MYOF: variants seen among roughly 807,000 people sequenced by gnomAD.
The protein encoded by MYOF is myoferlin.
MYOF carries 244 observed loss-of-function variants against 284.2 expected under a neutral mutation model. The observed-to-expected ratio is 0.86, with a 90% confidence interval of 0.77 to 0.95. The LOEUF (loss-of-function observed/expected upper bound fraction) is 0.95. Among genes scored for constraint, MYOF ranks in the 40% least tolerant of loss-of-function variants. The pLI is 0.00. For missense variants in MYOF, 2,496 were observed against 2,560.6 expected, an observed-to-expected ratio of 0.97 and a Z score of 0.54; for synonymous variants, 904 against 919.7, an observed-to-expected ratio of 0.98 and a Z score of 0.31.
At chr10:93,370,407 G>A (rs973996857) in intron 24 of MYOF, among the ~76,000 whole-genome samples, 18 of 149,370 alleles carry the variant, frequency 1.2e-4, no homozygotes, top group African/African-American at 2.5e-4. Flanking sequence ...GACCTCCAGG[G>A]CTCAAGCGAT....
intron 26 of MYOF, among the ~76,000 whole-genome samples, chr10:93,365,412 T>C (rs973461433): frequency 1.1e-4 from 16 of 151,772 alleles, no homozygotes; most frequent in Non-Finnish European, 1.5e-4. Flanking sequence ...CTACTGTTTA[T>C]TTTTTTCTTT....
chr10:93,414,243 T>C lies in MYOF; in HGVS notation c.434-4504A>G, dbSNP rs773372936. On this transcript the variant is annotated intron_variant, in intron 5 of 53. Transcript: ENST00000359263. ...CCTTCTGTGTCCTCCCGTCTTCTCA[T>C]AAGAACAAGTGGGCCAGGTTTGGCG... 2.0e-5 allele frequency among the ~76,000 whole-genome samples: 3 copies of C among 151,818 alleles called. No homozygotes were observed. In the South Asian group the frequency reaches 6.2e-4, roughly 32 times the overall value.
intron 5 of MYOF, chr10:93,425,725 G>A (rs1442984923): frequency 2.2e-5 from 6 of 277,254 alleles, no homozygotes; most frequent in Non-Finnish European, 2.1e-5. Context: ...GAGCAGAGGG[G>A]CCACTCCTTG....
intron 1 of MYOF, among the ~76,000 whole-genome samples, chr10:93,480,872 G>A (rs1428659912): frequency 6.6e-6 from 1 of 152,116 alleles, no homozygotes; most frequent in Non-Finnish European, 1.5e-5. Context: ...AAACAGAAAG[G>A]CGAAAGGTAT....
intron 1 of MYOF, among the ~76,000 whole-genome samples, chr10:93,476,089 T>C (rs1166114374): frequency 4.6e-5 from 7 of 152,034 alleles, no homozygotes; most frequent in Non-Finnish European, 1.0e-4. Context: ...AATACCCGAG[T>C]AGTGTGATTA....
rs3980375 is a variant in MYOF at position 93,406,288 on chromosome 10, TTATATATATATA to T, written c.730-2081_730-2070del. ...TAGAAATTTTTTTAGTAAACCTCTTTTATATATATATATATATATATATATATATTTGTTTTT... is the reference window on the plus strand; with the variant it reads ...TAGAAATTTTTTTAGTAAACCTCTTTTATATATATATATATATTTGTTTTT... On this transcript the variant is annotated intron_variant, in intron 7 of 53. Coordinates refer to ENST00000359263, the MANE Select transcript of MYOF (RefSeq NM_013451.4). 2.6e-3 allele frequency among the ~76,000 whole-genome samples: 149 copies of T among 58,140 alleles called. 23 individuals carry two copies. The South Asian group carries it at 0.041, about 16-fold the overall frequency. The allele number at this position is 58,140 out of a possible 152,430, so 38.1% of individuals were successfully genotyped here. A position where few individuals can be genotyped will look rare whatever the true frequency, so the allele number is the denominator to read the frequency against.
At chr10:93,475,664 T>C (rs1037328894) in intron 1 of MYOF, among the ~76,000 whole-genome samples, 2 of 152,218 alleles carry the variant, frequency 1.3e-5, no homozygotes, top group Non-Finnish European at 2.9e-5. Flanking sequence ...ACATCAGTGA[T>C]GTGCTGGGTG....
chr10:93,410,710 A>G (rs936106258), intron 5 of MYOF, among the ~76,000 whole-genome samples: 1 of 152,234 alleles, frequency 6.6e-6, no homozygotes, highest in African/African-American at 2.4e-5. Context: ...GGTAATCTGT[A>G]CAATATAATC....
chr10:93,448,365 C>T (rs1345332024), intron 3 of MYOF, among the ~76,000 whole-genome samples: 1 of 152,218 alleles, frequency 6.6e-6, no homozygotes, highest in Non-Finnish European at 1.5e-5. Context: ...CCCTTGACAA[C>T]TTTCCCTTTT....
At chr10:93,369,616 A>G (rs1441914592) in intron 25 of MYOF, 29 bp downstream of exon 25, 1 of 1,612,880 alleles carries the variant, frequency 6.2e-7, no homozygotes, top group Admixed American at 1.7e-5. Context: ...CGACCAAAGA[A>G]GAAAAGATAG....
chr10:93,445,279 C>T (rs1342493951), intron 3 of MYOF, among the ~76,000 whole-genome samples: 3 of 152,190 alleles, frequency 2.0e-5, no homozygotes, highest in Non-Finnish European at 4.4e-5. Flanking sequence ...GAGCAGGTTA[C>T]TAAACCTCTC....
intron 37 of MYOF, among the ~76,000 whole-genome samples, chr10:93,347,319 G>A (rs911536839): frequency 3.3e-5 from 5 of 151,312 alleles, no homozygotes; most frequent in Middle Eastern, 3.5e-3. Context: ...TTGGGAGGCC[G>A]AGGCGGGTGG....
At chr10:93,369,114 T>TTTTTTG (rs1845464051) in intron 25 of MYOF, among the ~76,000 whole-genome samples, 1 of 140,374 alleles carries the variant, frequency 7.1e-6, no homozygotes, top group Admixed American at 7.0e-5. Flanking sequence ...AGACAGCTTT[T>TTTTTTG]TTTTTTTTTT....
intron 29 of MYOF, 25 bp downstream of exon 29, chr10:93,359,808 A>G: frequency 1.2e-6 from 2 of 1,613,598 alleles, no homozygotes; most frequent in Non-Finnish European, 1.7e-6. Flanking sequence ...TCCCCAGTCC[A>G]GCTCCCTTCC....
chr10:93,311,800 T>A (rs1430203841), intron 51 of MYOF, among the ~76,000 whole-genome samples: 1 of 152,154 alleles, frequency 6.6e-6, no homozygotes, highest in Non-Finnish European at 1.5e-5. Flanking sequence ...AGTTGCTCCA[T>A]CTCTCCAAGA....
intron 25 of MYOF, among the ~76,000 whole-genome samples, chr10:93,368,874 T>C (rs566354430): frequency 1.6e-4 from 25 of 152,282 alleles, no homozygotes; most frequent in African/African-American, 6.0e-4. Context: ...TAGAGTGGTG[T>C]TCATCTGAAA....
intron 32 of MYOF, among the ~76,000 whole-genome samples, chr10:93,352,119 CA>C (rs1219795540): frequency 6.6e-6 from 1 of 152,162 alleles, no homozygotes; most frequent in African/African-American, 2.4e-5. Context: ...TTTTTCTCTG[CA>C]AAAGTACTGC....
Position 93,333,215 on chromosome 10 carries a change from TA to T in MYOF, c.4811+5del, listed in dbSNP as rs1306421122. 6.2e-7 allele frequency: 1 copy of T among 1,611,554 alleles called. No homozygotes were observed. Among genetic ancestry groups the T allele is most frequent in the Non-Finnish European group, 8.5e-7 (1 of 1,177,628 alleles). On this transcript the variant is annotated splice_donor_5th_base_variant and intron_variant, in intron 43 of 53. Transcript: ENST00000359263. ...GGCCAGAAAAACATTTAAGAATGTA[TA>T]TTACCTGCCAAAGACTGGGTTGAGA...
intron 3 of MYOF, among the ~76,000 whole-genome samples, chr10:93,431,764 G>A (rs866025249): frequency 1.9e-5 from 1 of 52,056 alleles, no homozygotes; most frequent in African/African-American, 9.4e-5. Context: ...TTTTTTTTTT[G>A]AGACAGACTC....
Sources: gnomAD v4.1 joint callset for allele counts (sites outside exome capture counted in the v4.1 genomes callset) on GRCh38, gnomAD v4.1.1 for gene constraint, MANE v1.5 for transcripts, NCBI Gene and HGNC (gene_info 2026-07-23, HGNC 2026-07-21) for gene names.